Variants in NAALADL2 observed in about 807,000 individuals in gnomAD.
NAALADL2 encodes N-acetylated alpha-linked acidic dipeptidase like 2, also known as inactive N-acetylated-alpha-linked acidic dipeptidase-like protein 2.
NAALADL2 carries 76 observed loss-of-function variants against 87.2 expected under a neutral mutation model. That is an observed-to-expected ratio of 0.87 (90% CI 0.72 to 1.05). NAALADL2 has a LOEUF of 1.05. NAALADL2 is among the 50% of genes least tolerant of loss of function. The probability of loss-of-function intolerance (pLI) is 0.00; values close to 1 mark genes in which losing one functional copy is unlikely to be tolerated. For synonymous variants in NAALADL2, 354 were observed against 331.0 expected, an observed-to-expected ratio of 1.07 and a Z score of -0.75; for missense variants, 1,089 against 945.8, an observed-to-expected ratio of 1.15 and a Z score of -1.99.
chr3:175,519,215 G>A (rs973081459), intron 9 of NAALADL2, among the ~76,000 whole-genome samples: 1 of 152,210 alleles, frequency 6.6e-6, no homozygotes, highest in African/African-American at 2.4e-5. Flanking sequence ...GAAAGGCAGA[G>A]GGAAAATTAG....
At chr3:175,179,498 C>G (rs1233303162) in intron 2 of NAALADL2, among the ~76,000 whole-genome samples, 1 of 151,854 alleles carries the variant, frequency 6.6e-6, no homozygotes, top group East Asian at 1.9e-4. Context: ...AACAAGTAGC[C>G]TATGGAATTT....
At chr3:175,087,955 A>T (rs1322081432) in intron 1 of NAALADL2, among the ~76,000 whole-genome samples, 2 of 152,122 alleles carry the variant, frequency 1.3e-5, no homozygotes, top group Non-Finnish European at 2.9e-5. Context: ...GTTAATTGCA[A>T]GTTAAGTTTT....
At chr3:175,790,755 A>C (rs1178195277) in intron 13 of NAALADL2, among the ~76,000 whole-genome samples, 1 of 152,194 alleles carries the variant, frequency 6.6e-6, no homozygotes, top group Admixed American at 6.5e-5. Context: ...TTCAAATTTC[A>C]TCAATTAATC....
chr3:174,854,648 A>G (rs973127867), upstream of NAALADL2, among the ~76,000 whole-genome samples: 4 of 152,140 alleles, frequency 2.6e-5, no homozygotes, highest in Admixed American at 1.3e-4. Flanking sequence ...TACCACATAC[A>G]TAGGTACAAC....
chr3:175,404,873 T>C (rs1712020684), intron 5 of NAALADL2, among the ~76,000 whole-genome samples: 1 of 152,234 alleles, frequency 6.6e-6, no homozygotes, highest in Non-Finnish European at 1.5e-5. Flanking sequence ...TTATATTTAC[T>C]GAGGCTAGCA....
chr3:175,212,589 C>T (rs879484484), intron 2 of NAALADL2, among the ~76,000 whole-genome samples: 1 of 151,898 alleles, frequency 6.6e-6, no homozygotes, highest in Admixed American at 6.6e-5. Context: ...CCCCTTTCCT[C>T]CTCCTCCATT....
chr3:175,419,997 A>G (rs891544172), intron 5 of NAALADL2, among the ~76,000 whole-genome samples: 7 of 152,022 alleles, frequency 4.6e-5, no homozygotes, highest in African/African-American at 1.7e-4. Context: ...TTTTAATGAA[A>G]GTTCAGGGAT....
chr3:175,007,150 T>TAAAAAA (rs397877957), intron 1 of NAALADL2, among the ~76,000 whole-genome samples: 4 of 70,336 alleles, frequency 5.7e-5, no homozygotes, highest in Non-Finnish European at 7.3e-5. Context: ...TTTTATAGGA[T>TAAAAAA]AAAAAAAAAA....
intron 1 of NAALADL2, among the ~76,000 whole-genome samples, chr3:174,460,617 CAATA>C (rs1201668684): frequency 3.3e-5 from 5 of 150,364 alleles, no homozygotes; most frequent in Non-Finnish European, 5.9e-5. Context: ...GGTTTTGAAA[CAATA>C]AAAGAAATGG....
chr3:174,741,240 T>A (rs1389405684), intron 3 of NAALADL2, among the ~76,000 whole-genome samples: 1 of 151,632 alleles, frequency 6.6e-6, no homozygotes, highest in Non-Finnish European at 1.5e-5. Flanking sequence ...CTTAAGTTCA[T>A]CCCTCCGTCA....
At chr3:175,047,872 C>T (rs1336244339) in intron 1 of NAALADL2, among the ~76,000 whole-genome samples, 2 of 152,132 alleles carry the variant, frequency 1.3e-5, no homozygotes, top group Non-Finnish European at 2.9e-5. Flanking sequence ...TTAAATAACA[C>T]ATTTGTGTGT....
intron 1 of NAALADL2, among the ~76,000 whole-genome samples, chr3:175,028,007 T>G (rs1326277127): frequency 6.6e-6 from 1 of 152,106 alleles, no homozygotes; most frequent in Non-Finnish European, 1.5e-5. Context: ...AGTAAGGGCA[T>G]TTTTAGCTAG....
chr3:175,363,323 T>G (rs1372153461), intron 5 of NAALADL2, among the ~76,000 whole-genome samples: 1 of 148,054 alleles, frequency 6.8e-6, no homozygotes, highest in African/African-American at 2.5e-5. Context: ...TTGGTGCATT[T>G]TTTTCCATTT....
chr3:174,786,467 T>C (rs1279249191), intron 3 of NAALADL2, among the ~76,000 whole-genome samples: 1 of 122,876 alleles, frequency 8.1e-6, no homozygotes. Context: ...AAAAAAAAAA[T>C]AATAAATAAA....
chr3:175,338,654 C>A (rs888336664), intron 5 of NAALADL2, among the ~76,000 whole-genome samples: 1 of 138,208 alleles, frequency 7.2e-6, no homozygotes, highest in African/African-American at 2.8e-5. Context: ...CACACACACA[C>A]ACACACACAA....
At chr3:174,567,550 T>C (rs1198133136) in intron 2 of NAALADL2, among the ~76,000 whole-genome samples, 2 of 151,610 alleles carry the variant, frequency 1.3e-5, no homozygotes, top group Admixed American at 1.3e-4. Flanking sequence ...TTGAGAATGT[T>C]ACCTATTTAA....
chr3:175,301,490 A>G (rs1001046710), intron 4 of NAALADL2, among the ~76,000 whole-genome samples: 4 of 152,186 alleles, frequency 2.6e-5, no homozygotes, highest in African/African-American at 9.6e-5. Context: ...GCATTCTTAA[A>G]ACATTGTTAA....
chr3:174,792,594 G>T (rs1419894792), intron 3 of NAALADL2, among the ~76,000 whole-genome samples: 1 of 151,990 alleles, frequency 6.6e-6, no homozygotes, highest in Non-Finnish European at 1.5e-5. Context: ...TGACCCTTCT[G>T]GTATGGCAAT....
intron 2 of NAALADL2, among the ~76,000 whole-genome samples, chr3:175,110,670 G>A (rs4355289): frequency 0.63 from 95,134 of 151,568 alleles, 30,881 homozygotes; most frequent in African/African-American, 0.81. Context: ...TTATTTTTCT[G>A]TTTGGGAATC....
Sources: gnomAD v4.1 joint callset for allele counts (sites outside exome capture counted in the v4.1 genomes callset) on GRCh38, gnomAD v4.1.1 for gene constraint, MANE v1.5 for transcripts, NCBI Gene and HGNC (gene_info 2026-07-23, HGNC 2026-07-21) for gene names.